Variants in XRRA1 observed in about 807,000 individuals in gnomAD.
XRRA1 encodes the protein X-ray radiation resistance-associated protein 1.
XRRA1 carries 69 observed loss-of-function variants against 80.2 expected under a neutral mutation model. The observed-to-expected ratio is 0.86, with a 90% confidence interval of 0.71 to 1.05. The LOEUF is 1.05. Ranked by LOEUF, XRRA1 falls within the 50% of genes least tolerant of loss-of-function variation. XRRA1 has a pLI of 0.00. For missense variants in XRRA1, 967 were observed against 976.4 expected (o/e 0.99, Z 0.13); for synonymous variants, 348 against 389.9 (o/e 0.89, Z 1.27).
chr11:74,897,998 C>T (rs889470251), intron 10 of XRRA1, among the ~76,000 whole-genome samples: 3 of 152,166 alleles, frequency 2.0e-5, no homozygotes, highest in Non-Finnish European at 4.4e-5. Flanking sequence ...GTGTAAACTT[C>T]TCTTGACTTA....
At chr11:74,932,262 C>T (rs1943791158) in intron 5 of XRRA1, among the ~76,000 whole-genome samples, 1 of 152,172 alleles carries the variant, frequency 6.6e-6, no homozygotes, top group Non-Finnish European at 1.5e-5. Context: ...GGTTTAACCA[C>T]AAAGCTAGCA....
At chr11:74,847,816 C>G (rs1021163780) in intron 15 of XRRA1, among the ~76,000 whole-genome samples, 9 of 152,210 alleles carry the variant, frequency 5.9e-5, no homozygotes, top group Non-Finnish European at 1.3e-4. Context: ...GTACAGGCAG[C>G]AGCAAACCCC....
intron 5 of XRRA1, 26 bp downstream of exon 5, chr11:74,933,775 A>G (rs1442883106): frequency 6.4e-7 from 1 of 1,566,660 alleles, no homozygotes; most frequent in South Asian, 1.2e-5. Context: ...GCTCACCCCA[A>G]TCACATCTTT....
rs967711257 is a variant in XRRA1, at chr11:74,919,929, C to T, written c.656+1285G>A. 66 of 300,376 alleles carry T rather than the reference C, an allele frequency of 2.2e-4. 1 individual carries two copies. Among genetic ancestry groups the T allele is most frequent in the African/African-American group, 1.5e-3 (64 of 42,468 alleles). The allele number at this position is 300,376 out of a possible 1,614,324, so 18.6% of individuals were successfully genotyped here. On this transcript the variant is annotated intron_variant, in intron 8 of 18. Coordinates refer to ENST00000684022, the MANE Select transcript of XRRA1 (RefSeq NM_001378157.1). ...TTACCTATGTACCTGTTACCACTTT[C>T]AAAAATCTATAGACAGTCATTGTGG...
At chr11:74,893,716 A>G (rs1396278510) in intron 10 of XRRA1, among the ~76,000 whole-genome samples, 1 of 152,180 alleles carries the variant, frequency 6.6e-6, no homozygotes, top group East Asian at 1.9e-4. Context: ...GCCAGTCAGA[A>G]TTACTATTAT....
intron 12 of XRRA1, among the ~76,000 whole-genome samples, chr11:74,858,452 T>G (rs1486886006): frequency 6.6e-6 from 1 of 152,164 alleles, no homozygotes; most frequent in Non-Finnish European, 1.5e-5. Flanking sequence ...AGAAAACACT[T>G]GGGGAGTTTA....
At chr11:74,854,810 G>C (rs1157936226) in intron 12 of XRRA1, among the ~76,000 whole-genome samples, 1 of 151,992 alleles carries the variant, frequency 6.6e-6, no homozygotes, top group African/African-American at 2.4e-5. Flanking sequence ...ACAAGGTCAG[G>C]AGTTTGAGAC....
chr11:74,947,371 T>C (rs561951940), intron 1 of XRRA1, among the ~76,000 whole-genome samples: 1 of 151,708 alleles, frequency 6.6e-6, no homozygotes, highest in Non-Finnish European at 1.5e-5. Context: ...ACTAAAAATA[T>C]AAAAATTAGC....
At chr11:74,893,006 C>T (rs1355849861) in intron 10 of XRRA1, among the ~76,000 whole-genome samples, 1 of 152,162 alleles carries the variant, frequency 6.6e-6, no homozygotes, top group East Asian at 1.9e-4. Flanking sequence ...GGCAATTCCT[C>T]AGGGATCTAG....
chr11:74,844,958 G>A (rs189120374), intron 16 of XRRA1, 115 bp downstream of exon 16: 3 of 1,037,508 alleles, frequency 2.9e-6, no homozygotes, highest in Non-Finnish European at 4.3e-6. Context: ...TTTAGACAGA[G>A]GACAGCACCC....
chr11:74,864,775 T>C (rs1474029237), intron 10 of XRRA1, among the ~76,000 whole-genome samples: 1 of 152,222 alleles, frequency 6.6e-6, no homozygotes, highest in African/African-American at 2.4e-5. Context: ...CTGAGGTCCC[T>C]GCTCACAGCC....
At chr11:74,868,166 G>A (rs1403039841) in intron 10 of XRRA1, among the ~76,000 whole-genome samples, 4 of 152,114 alleles carry the variant, frequency 2.6e-5, no homozygotes, top group African/African-American at 9.7e-5. Flanking sequence ...TGATCCACCT[G>A]CCTCAGCTTC....
rs377713873 is a variant in XRRA1, at chr11:74,906,468, G to A, written c.786-12C>T. 156 of 1,613,086 alleles carry A rather than the reference G, an allele frequency of 9.7e-5. No homozygotes were observed. The African/African-American group carries it at 1.9e-3, about 19-fold the overall frequency. ...TTAACTTCTTCAGTCTTCAATTAAG[G>A]AAAGTGAATATAGAATCATAGCAAT... On this transcript the variant is annotated splice_polypyrimidine_tract_variant and intron_variant, in intron 9 of 18. Transcript: ENST00000684022.
At chr11:74,862,020 C>T (rs945606560) in intron 11 of XRRA1, among the ~76,000 whole-genome samples, 3 of 152,216 alleles carry the variant, frequency 2.0e-5, no homozygotes, top group African/African-American at 7.2e-5. Context: ...GGGCTTTTGA[C>T]TTGCTTTGAC....
chr11:74,918,244 GA>G (rs1420846130), intron 8 of XRRA1, among the ~76,000 whole-genome samples: 3 of 152,016 alleles, frequency 2.0e-5, no homozygotes, highest in African/African-American at 7.3e-5. Flanking sequence ...GACCAGTTAA[GA>G]AAAGATCACT....
In XRRA1 at chr11:74,851,072, G is replaced by GCCTTGGAAGCCCTA. The variant is rs2039705516; in HGVS notation, c.1380+2_1380+15dup. On this transcript the variant is annotated intron_variant, in intron 14 of 18. Transcript: ENST00000684022. Reference sequence around the variant, plus strand: ...CACTCTTCCTGGGGGTGGGAGTCCTGCCTTGGAAGCCCTACCTTCCATGAT... The same window carrying GCCTTGGAAGCCCTA: ...CACTCTTCCTGGGGGTGGGAGTCCTGCCTTGGAAGCCCTACCTTGGAAGCCCTACCTTCCATGAT... 1.9e-6 allele frequency: 3 copies of GCCTTGGAAGCCCTA among 1,596,250 alleles called. No homozygotes were observed. Among genetic ancestry groups the GCCTTGGAAGCCCTA allele is most frequent in the Non-Finnish European group, 2.6e-6 (3 of 1,168,470 alleles).
At chr11:74,904,833 C>T (rs1002357957) in intron 10 of XRRA1, among the ~76,000 whole-genome samples, 4 of 141,956 alleles carry the variant, frequency 2.8e-5, no homozygotes, top group African/African-American at 1.0e-4. Flanking sequence ...TTAAAATACA[C>T]AACCTACCAA....
rs181787497 is a variant in XRRA1, at chr11:74,878,521, G to A, written c.1004-15500C>T. Among the ~76,000 whole-genome samples, 1,512 of 152,234 alleles carry A rather than the reference G, an allele frequency of 9.9e-3. 14 individuals are homozygous for A. Among genetic ancestry groups the A allele is most frequent in the Middle Eastern group, 0.024 (7 of 294 alleles). ...TGTTGCCATTGCTTTTGGTGTTTTAGACATGAAGTCCTTGCCCCTGCCTGT... is the reference window on the plus strand; with the variant it reads ...TGTTGCCATTGCTTTTGGTGTTTTAAACATGAAGTCCTTGCCCCTGCCTGT... On this transcript the variant is annotated intron_variant, in intron 10 of 18. Coordinates refer to ENST00000684022, the MANE Select transcript of XRRA1 (RefSeq NM_001378157.1).
intron 10 of XRRA1, among the ~76,000 whole-genome samples, chr11:74,892,918 G>A (rs1168687401): frequency 6.6e-6 from 1 of 152,044 alleles, no homozygotes; most frequent in South Asian, 2.1e-4. Flanking sequence ...AGGTGCTGGA[G>A]AGGATGTGGA....
Sources: allele counts gnomAD v4.1 joint callset (sites outside exome capture counted in the v4.1 genomes callset), GRCh38; gene constraint gnomAD v4.1.1; transcripts MANE v1.5; gene names NCBI Gene and HGNC (gene_info 2026-07-23, HGNC 2026-07-21).